PITPNM3: variants seen among roughly 807,000 people sequenced by gnomAD.
PITPNM3 encodes the protein membrane-associated phosphatidylinositol transfer protein 3.
In PITPNM3, 26 loss-of-function variants were observed where a neutral mutation model predicts 102.0. That is an observed-to-expected ratio of 0.25 (90% CI 0.19 to 0.35). The LOEUF is 0.35. Ranked by LOEUF, PITPNM3 falls within the 10% of genes least tolerant of loss-of-function variation. PITPNM3 has a pLI of 1.00. For synonymous variants in PITPNM3, 578 were observed against 558.6 expected (o/e 1.03, Z -0.49); for missense variants, 1,083 against 1,346.1 (o/e 0.80, Z 3.06).
intron 15 of PITPNM3, 69 bp downstream of exon 15, chr17:6,464,586 G>A (rs895488425): frequency 5.5e-6 from 8 of 1,459,598 alleles, no homozygotes; most frequent in Admixed American, 3.4e-5. Context: ...CACCCCACAC[G>A]CTATGTGGCT....
rs1909524102 is a variant in PITPNM3 at position 6,537,842 on chromosome 17, C to A, written c.118+145G>T. 1 of 761,716 alleles carries A rather than the reference C, an allele frequency of 1.3e-6. No individual in the cohort carries two copies. 47.2% of individuals were successfully genotyped at this position (761,716 alleles called of 1,614,324 possible). A position where few individuals can be genotyped will look rare whatever the true frequency, so the allele number is the denominator to read the frequency against. On this transcript the variant is annotated intron_variant, in intron 2 of 19. Coordinates refer to ENST00000262483, the MANE Select transcript of PITPNM3 (RefSeq NM_031220.4). The surrounding 1 kb of genome is among the most constrained non-coding windows in gnomAD (Gnocchi z 4.4). The stretch of plus-strand genomic sequence containing the variant: ...GAAGGCTGAGCCCCTGCTCTTGGCA[C>A]ATCCACAGGATGGGTAAGTATGGAG...
chr17:6,522,286 G>GCGCGCACACA (rs145090085), intron 3 of PITPNM3, among the ~76,000 whole-genome samples: 23 of 149,316 alleles, frequency 1.5e-4, no homozygotes, highest in African/African-American at 5.7e-4. Context: ...TTTAGTGTGC[G>GCGCGCACACA]CACACACACA....
chr17:6,476,947 G>T, intron 9 of PITPNM3, 82 bp downstream of exon 9: 1 of 1,511,412 alleles, frequency 6.6e-7, no homozygotes, highest in Non-Finnish European at 9.1e-7. Flanking sequence ...CCCATGGAAG[G>T]GCCTGGGACA....
chr17:6,515,246 A>C (rs1908091560), intron 3 of PITPNM3, among the ~76,000 whole-genome samples: 1 of 151,856 alleles, frequency 6.6e-6, no homozygotes, highest in Non-Finnish European at 1.5e-5. Context: ...AAAAATACAA[A>C]AATTAGCCAG....
At chr17:6,471,467 G>A (rs981725569) in intron 11 of PITPNM3, 112 bp from the exon 12 acceptor site, 14 of 1,070,628 alleles carry the variant, frequency 1.3e-5, no homozygotes, top group African/African-American at 1.1e-4. Flanking sequence ...AGTCAGCCCC[G>A]GCTCTGCTCA....
chr17:6,463,938 T>C, intron 16 of PITPNM3, 57 bp from the exon 17 acceptor site: 1 of 1,604,672 alleles, frequency 6.2e-7, no homozygotes, highest in Non-Finnish European at 8.5e-7. Flanking sequence ...TTAGCCGGAA[T>C]CCAGAGGTCA....
chr17:6,518,048 T>C (rs1054359702), intron 3 of PITPNM3, among the ~76,000 whole-genome samples: 11 of 152,216 alleles, frequency 7.2e-5, no homozygotes, highest in African/African-American at 2.4e-4. Context: ...ATAATGTATA[T>C]ATTTTTTAAC....
intron 1 of PITPNM3, among the ~76,000 whole-genome samples, chr17:6,554,514 T>C (rs978427222): frequency 2.0e-5 from 3 of 151,994 alleles, no homozygotes; most frequent in African/African-American, 7.3e-5. Flanking sequence ...AGCGTGAAAT[T>C]GCAGCAGAAA....
intron 1 of PITPNM3, among the ~76,000 whole-genome samples, chr17:6,547,393 C>A (rs1910079775): frequency 6.6e-6 from 1 of 152,232 alleles, no homozygotes; most frequent in Non-Finnish European, 1.5e-5. Context: ...GCCAATTAGG[C>A]TCCCAACAGT....
chr17:6,522,430 G>A (rs796787382), intron 3 of PITPNM3, among the ~76,000 whole-genome samples: 13 of 152,254 alleles, frequency 8.5e-5, no homozygotes, highest in African/African-American at 3.1e-4. Flanking sequence ...CAGAATTCAG[G>A]CTTAAAGGGA....
rs1241972216 is a variant in PITPNM3 at position 6,470,319 on chromosome 17, G to A, written c.1714C>T (p.His572Tyr). ...TCCCAGTAACTGGCGTGGAAGAGGT[G>A]GGGCAGGGCCACGGTGGGGAAGGCC... ...LTAFPTVALP[H>Y]LFHASYWEST... is the part of the protein sequence containing the mutation. Residue 572 changes from histidine (H) to tyrosine (Y), a missense_variant, in exon 13 of 20, where the codon CAC becomes TAC. His to Tyr is a moderately conservative substitution (Grantham distance 83). Coordinates refer to ENST00000262483, the MANE Select transcript of PITPNM3 (RefSeq NM_031220.4). The surrounding 1 kb of genome is among the most constrained non-coding windows in gnomAD (Gnocchi z 4.8). 1 of 1,614,038 alleles carries A rather than the reference G, an allele frequency of 6.2e-7. No individual in the cohort carries two copies. The highest frequency in any genetic ancestry group is 1.1e-5 in the South Asian group (1 of 91,064).
Position 6,478,544 on chromosome 17 carries a change from T to C in PITPNM3, c.777+3A>G. On this transcript the variant is annotated splice_donor_region_variant and intron_variant, in intron 7 of 19. Transcript: ENST00000262483. The surrounding 1 kb of genome is among the most constrained non-coding windows in gnomAD (Gnocchi z 4.4). ...GAGAGGAGGAGAGGGCAGGCTGTCC[T>C]ACCTGCCCACTGAAGCCAATCCCAT... 1.2e-6 allele frequency: 2 copies of C among 1,613,610 alleles called. No individual in the cohort carries two copies. The highest frequency in any genetic ancestry group is 1.7e-6 in the Non-Finnish European group (2 of 1,179,734).
rs1020071817 is a variant in PITPNM3 at position 6,469,934 on chromosome 17, C to T, written c.1773+326G>A. ...TCTGCTATACCTTCTGTTTTGCAGACGAGGACATTGAGACTCAGTGGGGAG... is the reference window on the plus strand; with the variant it reads ...TCTGCTATACCTTCTGTTTTGCAGATGAGGACATTGAGACTCAGTGGGGAG... On this transcript the variant is annotated intron_variant, in intron 13 of 19. Transcript: ENST00000262483. This position sits in a 1 kb window ranked among gnomAD's most constrained non-coding sequence, Gnocchi z 4.0. Among the ~76,000 whole-genome samples the T allele has an allele frequency of 3.3e-5, 5 of 152,162 alleles. No individual in the cohort carries two copies. The highest frequency in any genetic ancestry group is 1.3e-4 in the Admixed American group (2 of 15,272).
At chr17:6,529,911 C>T (rs993627063) in intron 2 of PITPNM3, among the ~76,000 whole-genome samples, 7 of 152,228 alleles carry the variant, frequency 4.6e-5, no homozygotes, top group African/African-American at 1.7e-4. Flanking sequence ...ATGGCGTTCT[C>T]TTTTCCACTT....
intron 1 of PITPNM3, among the ~76,000 whole-genome samples, chr17:6,555,426 A>G (rs957012831): frequency 6.6e-6 from 1 of 152,166 alleles, no homozygotes; most frequent in South Asian, 2.1e-4. Context: ...GCACCAGCCA[A>G]CGTCACGGGT....
chr17:6,541,461 G>A (rs961889313), intron 1 of PITPNM3, among the ~76,000 whole-genome samples: 1 of 152,134 alleles, frequency 6.6e-6, no homozygotes, highest in African/African-American at 2.4e-5. Context: ...CCATGTGGCT[G>A]GGGCCAATGA....
chr17:6,455,370 G>A lies in PITPNM3; in HGVS notation c.2893C>T (p.Arg965Cys). Residue 965 changes from arginine to cysteine, a missense_variant, in exon 20 of 20, where the codon CGT (arginine) becomes TGT (cysteine). By Grantham distance (180) the Arg-to-Cys change is radical. Transcript: ENST00000262483. ...ERPLPALSWA[R>C]GPPKFESVP ...ACCGACTCGAACTTGGGGGGCCCACGCGCCCAGCTGAGCGCCGGCAGCGGC... is the reference window on the plus strand; with the variant it reads ...ACCGACTCGAACTTGGGGGGCCCACACGCCCAGCTGAGCGCCGGCAGCGGC... The A allele has an allele frequency of 6.3e-7, 1 of 1,585,794 alleles. No homozygotes were observed.
chr17:6,508,957 C>A (rs1907709475), intron 3 of PITPNM3, among the ~76,000 whole-genome samples: 1 of 152,182 alleles, frequency 6.6e-6, no homozygotes, highest in African/African-American at 2.4e-5. Context: ...GCTCAGCTGC[C>A]ACCTAAATGA....
At position 6,472,979 on chromosome 17, in the gene PITPNM3, T is replaced by G; in HGVS notation, c.1259-152A>C. 1 of 985,246 alleles carries G rather than the reference T, an allele frequency of 1.0e-6. No individual in the cohort carries two copies. Among genetic ancestry groups the G allele is most frequent in the Non-Finnish European group, 1.5e-6 (1 of 649,864 alleles). The allele number at this position is 985,246 out of a possible 1,614,324, so 61.0% of individuals were successfully genotyped here. On this transcript the variant is annotated intron_variant, in intron 10 of 19. Transcript: ENST00000262483. This position sits in a 1 kb window ranked among gnomAD's most constrained non-coding sequence, Gnocchi z 4.1. Reference sequence around the variant, plus strand: ...TCCCCACGGGAACAAAGCCATTACGTTCAGTTTGTCTCCCCACCCAGGAGC... The same window carrying G: ...TCCCCACGGGAACAAAGCCATTACGGTCAGTTTGTCTCCCCACCCAGGAGC...
Sources: allele counts gnomAD v4.1 joint callset (sites outside exome capture counted in the v4.1 genomes callset), GRCh38; gene constraint gnomAD v4.1.1; non-coding constraint Gnocchi (gnomAD v3.1); transcripts MANE v1.5; gene names NCBI Gene and HGNC (gene_info 2026-07-23, HGNC 2026-07-21).